The following CCSER1 variants were observed in gnomAD, a reference collection of about 807,000 sequenced individuals.
CCSER1 encodes coiled-coil serine rich protein 1.
Under a neutral mutation model 82.0 loss-of-function variants are expected in CCSER1, and 41 were observed. The observed-to-expected ratio is 0.50, with a 90% CI of 0.39 to 0.65. The LOEUF is 0.65. Among genes scored for constraint, CCSER1 ranks in the 30% least tolerant of loss-of-function variants. The pLI, the probability that CCSER1 is intolerant of heterozygous loss-of-function variation, is 0.00. For missense variants in CCSER1, 1,119 were observed against 1,064.2 expected, an observed-to-expected ratio of 1.05 and a Z score of -0.72; for synonymous variants, 414 against 383.9, an observed-to-expected ratio of 1.08 and a Z score of -0.92.
chr4:91,433,756 A>C (rs1754468610), intron 10 of CCSER1, among the ~76,000 whole-genome samples: 1 of 152,164 alleles, frequency 6.6e-6, no homozygotes, highest in Admixed American at 6.5e-5. Context: ...CAATGAAATC[A>C]CCTAACCACG....
At chr4:90,766,642 T>TA (rs1216715026) in intron 7 of CCSER1, among the ~76,000 whole-genome samples, 1 of 151,782 alleles carries the variant, frequency 6.6e-6, no homozygotes, top group Non-Finnish European at 1.5e-5. Context: ...TTCTAAAAAA[T>TA]AAAAAAATAT....
chr4:90,279,697 TTACAGTCATA>T (rs1728546262), intron 1 of CCSER1, among the ~76,000 whole-genome samples: 1 of 152,040 alleles, frequency 6.6e-6, no homozygotes, highest in Admixed American at 6.6e-5. Context: ...CCAGAGAGCC[TTACAGTCATA>T]CCTACTGACC....
At chr4:90,271,850 A>T (rs1560919237) in intron 1 of CCSER1, among the ~76,000 whole-genome samples, 1 of 23,140 alleles carries the variant, frequency 4.3e-5, no homozygotes, top group Non-Finnish European at 6.6e-5. Context: ...ATATATATAT[A>T]TATATATATA....
intron 9 of CCSER1, among the ~76,000 whole-genome samples, chr4:91,010,622 C>T (rs934872584): frequency 7.4e-6 from 1 of 134,956 alleles, no homozygotes; most frequent in African/African-American, 2.5e-5. Flanking sequence ...TCATTTTTAT[C>T]CTCTGACTGG....
intron 10 of CCSER1, among the ~76,000 whole-genome samples, chr4:91,256,641 G>A (rs1740707159): frequency 6.6e-6 from 1 of 152,048 alleles, no homozygotes; most frequent in Non-Finnish European, 1.5e-5. Flanking sequence ...AAGAACCTGT[G>A]CTGAAATATT....
chr4:91,413,811 A>G (rs1753202602), intron 10 of CCSER1, among the ~76,000 whole-genome samples: 1 of 152,170 alleles, frequency 6.6e-6, no homozygotes, highest in African/African-American at 2.4e-5. Context: ...GACTTGTCAC[A>G]TAAAAGGGAA....
At chr4:91,443,416 A>G (rs529613834) in intron 10 of CCSER1, among the ~76,000 whole-genome samples, 1 of 150,140 alleles carries the variant, frequency 6.7e-6, no homozygotes, top group African/African-American at 2.4e-5. Flanking sequence ...CAAAAAACCA[A>G]ACACTGCATG....
chr4:90,398,758 C>T (rs1055957910), intron 3 of CCSER1, among the ~76,000 whole-genome samples: 10 of 152,252 alleles, frequency 6.6e-5, no homozygotes, highest in East Asian at 1.9e-4. Flanking sequence ...TCATTACCTT[C>T]GTTTGGAGAA....
chr4:90,391,501 G>A (rs1361981103), intron 3 of CCSER1, among the ~76,000 whole-genome samples: 18 of 43,622 alleles, frequency 4.1e-4, no homozygotes, highest in Middle Eastern at 0.011. Context: ...CACACAGTGG[G>A]TAAATATATA....
intron 1 of CCSER1, among the ~76,000 whole-genome samples, chr4:90,215,629 A>C (rs1410467395): frequency 6.6e-6 from 1 of 152,236 alleles, no homozygotes. Flanking sequence ...GACAGATAAA[A>C]TATACACAGG....
intron 5 of CCSER1, among the ~76,000 whole-genome samples, chr4:90,601,372 GAA>G (rs1259733257): frequency 6.6e-6 from 1 of 151,706 alleles, no homozygotes; most frequent in Non-Finnish European, 1.5e-5. Flanking sequence ...CTATTTTGTT[GAA>G]AGTTTTTATC....
At chr4:91,104,912 G>T (rs933306643) in intron 10 of CCSER1, among the ~76,000 whole-genome samples, 3 of 152,056 alleles carry the variant, frequency 2.0e-5, no homozygotes, top group African/African-American at 7.2e-5. Flanking sequence ...TTTCTTTTTG[G>T]TATAAATTCA....
At chr4:90,670,363 G>C (rs1567930) in intron 6 of CCSER1, among the ~76,000 whole-genome samples, 69,801 of 151,874 alleles carry the variant, frequency 0.46, 16,436 homozygotes, top group Middle Eastern at 0.59. Context: ...GAAAGTTCAG[G>C]GGAATTCACT....
At chr4:90,945,295 A>G (rs148461902) in intron 9 of CCSER1, among the ~76,000 whole-genome samples, 173 of 152,142 alleles carry the variant, frequency 1.1e-3, no homozygotes, top group Admixed American at 3.0e-3. Flanking sequence ...TTATTTTTTC[A>G]TTTGCTATTT....
At chr4:91,240,259 A>G (rs1290378174) in intron 10 of CCSER1, among the ~76,000 whole-genome samples, 1 of 63,030 alleles carries the variant, frequency 1.6e-5, no homozygotes, top group African/African-American at 9.5e-5. Context: ...TGTATTTTTA[A>G]TAGAGACGGG....
At chr4:91,536,156 G>A (rs1761283372) in intron 10 of CCSER1, among the ~76,000 whole-genome samples, 1 of 152,102 alleles carries the variant, frequency 6.6e-6, no homozygotes, top group African/African-American at 2.4e-5. Context: ...GTGGAAGAAT[G>A]AACAGTTGTC....
chr4:90,195,395 G>T (rs945751343), intron 1 of CCSER1, among the ~76,000 whole-genome samples: 1 of 152,040 alleles, frequency 6.6e-6, no homozygotes, highest in Non-Finnish European at 1.5e-5. Context: ...TGACAGTCCA[G>T]AAAAAGGGAA....
chr4:90,387,985 TTTGAGGAC>T (rs1295214246), intron 3 of CCSER1, among the ~76,000 whole-genome samples: 3 of 152,194 alleles, frequency 2.0e-5, no homozygotes, highest in Non-Finnish European at 4.4e-5. Context: ...CAAGGACAGT[TTTGAGGAC>T]TGTGCTCTCA....
At chr4:90,763,149 T>G (rs774458973) in intron 7 of CCSER1, among the ~76,000 whole-genome samples, 2 of 152,166 alleles carry the variant, frequency 1.3e-5, no homozygotes, top group Non-Finnish European at 2.9e-5. Context: ...CTCTCTATAG[T>G]GAGAATTGTC....
Sources: gnomAD v4.1 joint callset for allele counts (sites outside exome capture counted in the v4.1 genomes callset) on GRCh38, gnomAD v4.1.1 for gene constraint, MANE v1.5 for transcripts, NCBI Gene and HGNC (gene_info 2026-07-23, HGNC 2026-07-21) for gene names.